Variants in ANKRD26 observed in about 807,000 individuals in gnomAD.
ANKRD26 encodes the protein ankyrin repeat domain-containing protein 26.
In ANKRD26, 141 loss-of-function variants were observed where a neutral mutation model predicts 208.7. The ratio of observed to expected loss-of-function variants is 0.68; its 90% CI spans 0.59 to 0.78. The LOEUF (loss-of-function observed/expected upper bound fraction) is 0.78. Among genes scored for constraint, ANKRD26 ranks in the 30% least tolerant of loss-of-function variants. ANKRD26 has a pLI of 0.00. For synonymous variants in ANKRD26, 636 were observed against 660.4 expected (o/e 0.96, Z 0.57); for missense variants, 1,889 against 1,938.7 (o/e 0.97, Z 0.48).
intron 33 of ANKRD26, 76 bp downstream of exon 33, chr10:27,006,841 C>G: frequency 8.8e-7 from 1 of 1,135,270 alleles, no homozygotes; most frequent in Non-Finnish European, 1.3e-6. Context: ...GGAAAGGGAT[C>G]CCACTCACGA....
chr10:27,073,547 CT>C (rs1416646612), intron 9 of ANKRD26, among the ~76,000 whole-genome samples: 1 of 152,194 alleles, frequency 6.6e-6, no homozygotes, highest in African/African-American at 2.4e-5. Flanking sequence ...TCCCTTCCCC[CT>C]GAAAACACTT....
chr10:27,071,158 C>CTTTTTTTTTTTT (rs1564411968), intron 9 of ANKRD26, among the ~76,000 whole-genome samples: 1 of 128,728 alleles, frequency 7.8e-6, no homozygotes. Context: ...TTGCTACATT[C>CTTTTTTTTTTTT]ATTTTTTTTT....
intron 1 of ANKRD26, among the ~76,000 whole-genome samples, chr10:27,097,235 G>A (rs1346947294): frequency 2.0e-5 from 3 of 151,686 alleles, no homozygotes; most frequent in Non-Finnish European, 4.4e-5. Flanking sequence ...CAGCACTTTG[G>A]GAGGCCGAGG....
chr10:26,988,343 T>C (rs1158731640), downstream of ANKRD26, among the ~76,000 whole-genome samples: 1 of 152,188 alleles, frequency 6.6e-6, no homozygotes, highest in Non-Finnish European at 1.5e-5. Flanking sequence ...CTGAAGTTTA[T>C]CTTGGGACAC....
chr10:27,065,204 A>G (rs1175262824), intron 11 of ANKRD26, among the ~76,000 whole-genome samples: 5 of 152,052 alleles, frequency 3.3e-5, no homozygotes, highest in Non-Finnish European at 7.4e-5. Flanking sequence ...CTCTAACCTA[A>G]TACTTTGTTT....
chr10:27,033,119 A>T (rs879009799), intron 25 of ANKRD26, 106 bp downstream of exon 25: 1 of 754,022 alleles, frequency 1.3e-6, no homozygotes, highest in Non-Finnish European at 1.9e-6. Context: ...TAAATTAATT[A>T]TAATGAAAAC....
At chr10:27,037,375 G>A (rs745735720) in intron 22 of ANKRD26, 52 bp from the exon 23 acceptor site, 39 of 1,589,166 alleles carry the variant, frequency 2.5e-5, no homozygotes, top group Non-Finnish European at 3.1e-5. Flanking sequence ...AAGTCTAAAA[G>A]GTTAACAAGA....
chr10:27,033,082 C>CA lies in ANKRD26; in HGVS notation c.3807+142dup, dbSNP rs34308599. 21,735 of 340,816 alleles carry CA rather than the reference C, an allele frequency of 0.064. 3 individuals carry two copies. Among genetic ancestry groups the CA allele is most frequent in the Non-Finnish European group, 0.076 (17,972 of 234,986 alleles). The allele number at this position is 340,816 out of a possible 1,614,324, so 21.1% of individuals were successfully genotyped here. ...TGGGCAATAGAACGAGACTCCATCTCAAAAAAAAAAAAAAGATAATAAAAT... is the reference window on the plus strand; with the variant it reads ...TGGGCAATAGAACGAGACTCCATCTCAAAAAAAAAAAAAAAGATAATAAAAT... On this transcript the variant is annotated intron_variant, in intron 25 of 33. Transcript: ENST00000376087.
chr10:26,975,433 G>A (rs2052211487), exon 6 of ANKRD26, among the ~76,000 whole-genome samples: 2 of 57,788 alleles, frequency 3.5e-5, no homozygotes, highest in African/African-American at 8.1e-5. Context: ...TGTAGTTGAG[G>A]TCTCTCTATG....
intron 4 of ANKRD26, among the ~76,000 whole-genome samples, chr10:26,997,987 C>A (rs186791126): frequency 8.5e-4 from 129 of 152,288 alleles, no homozygotes; most frequent in East Asian, 3.3e-3. Flanking sequence ...ATAGCCCCCA[C>A]GGCCTGGTGT....
At position 27,050,092 on chromosome 10, in the gene ANKRD26, C is replaced by T. The variant is rs570127167; in HGVS notation, c.1636-1113G>A. ...AAAATTAGCCGGGTGTGGTGGTGGG[C>T]GCCTGTAATCCCAGCTACTCAGGAG... On this transcript the variant is annotated intron_variant, in intron 16 of 33. Coordinates refer to ENST00000376087, the MANE Select transcript of ANKRD26 (RefSeq NM_014915.3). Among the ~76,000 whole-genome samples the T allele has an allele frequency of 1.9e-3, 290 of 151,162 alleles. 1 individual carries two copies. Among genetic ancestry groups the T allele is most frequent in the Admixed American group, 6.4e-3 (97 of 15,166 alleles).
In ANKRD26 at chr10:27,061,143, C is replaced by A; in HGVS notation, c.1462+1G>T. 1.9e-6 allele frequency: 3 copies of A among 1,598,818 alleles called. No homozygotes were observed. Among genetic ancestry groups the A allele is most frequent in the Non-Finnish European group, 2.6e-6 (3 of 1,166,536 alleles). ...CAAAAATACGCATTTTTTTTCCATA[C>A]CCATGTGGGCTACTGGCATGCCTAC... On this transcript the variant is annotated splice_donor_variant, in intron 13 of 33. Transcript: ENST00000376087. LOFTEE classifies it high-confidence loss of function.
chr10:27,003,215 C>A (rs1403471927), downstream of ANKRD26, among the ~76,000 whole-genome samples: 1 of 152,072 alleles, frequency 6.6e-6, no homozygotes, highest in East Asian at 1.9e-4. Context: ...ATACAGTTGA[C>A]CCTTGAAGTG....
At chr10:26,983,511 T>C (rs908121132) in intron 3 of ANKRD26, among the ~76,000 whole-genome samples, 1 of 152,192 alleles carries the variant, frequency 6.6e-6, no homozygotes, top group African/African-American at 2.4e-5. Context: ...ATGGTCACAA[T>C]GTTCTCCAAG....
chr10:27,022,107 T>C (rs978560043), intron 29 of ANKRD26, among the ~76,000 whole-genome samples: 13 of 152,172 alleles, frequency 8.5e-5, no homozygotes. Context: ...CATGAAATCT[T>C]TGTCTGTTCC....
Position 27,046,490 on chromosome 10 carries a change from C to CTTTA in ANKRD26, c.1844_1847dup (p.Lys616AsnfsTer5). The CTTTA allele has an allele frequency of 6.2e-7, 1 of 1,613,886 alleles. No individual in the cohort carries two copies. Among genetic ancestry groups the CTTTA allele is most frequent in the Non-Finnish European group, 8.5e-7 (1 of 1,179,984 alleles). On this transcript the variant is annotated frameshift_variant, in exon 18 of 34. Coordinates refer to ENST00000376087, the MANE Select transcript of ANKRD26 (RefSeq NM_014915.3). LOFTEE classifies it high-confidence loss of function. ...AGGTCCGTTTTTCTTTTTCAGTGCTCTTTACTTCCTTCATTTGCAAGGCAG... is the reference window on the plus strand; with the variant it reads ...AGGTCCGTTTTTCTTTTTCAGTGCTCTTTATTTACTTCCTTCATTTGCAAGGCAG...
At position 26,984,769 on chromosome 10, in the gene ANKRD26, G is replaced by A. The variant is rs1371330231; in HGVS notation, c.490-1956C>T. Among the ~76,000 whole-genome samples the A allele has an allele frequency of 7.9e-5, 12 of 152,148 alleles. No individual in the cohort carries two copies. In the East Asian group the frequency reaches 2.1e-3, roughly 27 times the overall value. ...GGGTATAGTTGATGTTTCACAAAAT[G>A]GTGGATCAGAGTGTAAGGAGTGCCA... On this transcript the variant is annotated intron_variant and NMD_transcript_variant, in intron 3 of 5. Coordinates refer to the ANKRD26 transcript ENST00000674670.
chr10:27,029,243 C>A (rs1207422878), intron 26 of ANKRD26, 43 bp downstream of exon 26: 1 of 1,562,342 alleles, frequency 6.4e-7, no homozygotes, highest in South Asian at 1.2e-5. Flanking sequence ...CTTATTTGCT[C>A]TATAAATAAT....
intron 32 of ANKRD26, among the ~76,000 whole-genome samples, chr10:27,010,984 T>C (rs185945758): frequency 6.6e-6 from 1 of 152,306 alleles, no homozygotes; most frequent in East Asian, 1.9e-4. Flanking sequence ...AACAATCATT[T>C]GATTTGTTCC....
Sources: allele counts gnomAD v4.1 joint callset (sites outside exome capture counted in the v4.1 genomes callset), GRCh38; gene constraint gnomAD v4.1.1; transcripts MANE v1.5; gene names NCBI Gene and HGNC (gene_info 2026-07-23, HGNC 2026-07-21).